Variants in GRIK2 observed in about 807,000 individuals in gnomAD.
GRIK2 encodes the protein glutamate ionotropic receptor kainate type subunit 2, also known as glutamate receptor ionotropic, kainate 2.
GRIK2 carries 32 observed loss-of-function variants against 100.3 expected under a neutral mutation model. The ratio of observed to expected loss-of-function variants is 0.32; its 90% CI spans 0.24 to 0.43. The LOEUF (loss-of-function observed/expected upper bound fraction) is 0.43, where lower values mean the gene tolerates loss of function less well. Ranked by LOEUF, GRIK2 falls within the 20% of genes least tolerant of loss-of-function variation. GRIK2 has a pLI of 1.00. For missense variants in GRIK2, 843 were observed against 1,114.9 expected (o/e 0.76, Z 3.47); for synonymous variants, 417 against 389.4 (o/e 1.07, Z -0.83).
At chr6:101,554,367 G>A (rs1178363963) in intron 2 of GRIK2, among the ~76,000 whole-genome samples, 1 of 152,024 alleles carries the variant, frequency 6.6e-6, no homozygotes, top group South Asian at 2.1e-4. Flanking sequence ...TGACTAAAGT[G>A]ACTTTTTGTT....
intron 7 of GRIK2, among the ~76,000 whole-genome samples, chr6:101,707,972 T>C (rs1427641888): frequency 6.6e-6 from 1 of 151,698 alleles, no homozygotes; most frequent in Non-Finnish European, 1.5e-5. Context: ...TGTTACCTCT[T>C]CCCTTGTTAA....
intron 7 of GRIK2, among the ~76,000 whole-genome samples, chr6:101,696,699 G>A (rs1200425033): frequency 6.6e-6 from 1 of 151,768 alleles, no homozygotes; most frequent in Non-Finnish European, 1.5e-5. Context: ...AAGACATCAT[G>A]GGGCAGTTAT....
chr6:101,935,531 G>A (rs1453014377), intron 14 of GRIK2, among the ~76,000 whole-genome samples: 1 of 151,820 alleles, frequency 6.6e-6, no homozygotes, highest in East Asian at 1.9e-4. Flanking sequence ...TGGGAGAATT[G>A]TACATGAGAC....
intron 9 of GRIK2, among the ~76,000 whole-genome samples, chr6:101,811,782 G>A (rs1255201930): frequency 6.6e-6 from 1 of 151,636 alleles, no homozygotes; most frequent in Non-Finnish European, 1.5e-5. Flanking sequence ...TGGATTTAAA[G>A]TAGTAATATG....
chr6:102,014,154 T>C (rs957429898), intron 14 of GRIK2, among the ~76,000 whole-genome samples: 1 of 152,210 alleles, frequency 6.6e-6, no homozygotes, highest in African/African-American at 2.4e-5. Context: ...CCTGGTTTAG[T>C]TTTTGGAGGT....
intron 7 of GRIK2, among the ~76,000 whole-genome samples, chr6:101,746,058 C>T (rs754846010): frequency 2.6e-5 from 4 of 152,184 alleles, no homozygotes; most frequent in African/African-American, 4.8e-5. Flanking sequence ...AGTAACTTTA[C>T]TGCTTTCTCT....
chr6:101,960,400 C>G (rs1427357281), intron 14 of GRIK2, among the ~76,000 whole-genome samples: 1 of 152,074 alleles, frequency 6.6e-6, no homozygotes. Context: ...GGTTAAAGCA[C>G]TCTGTTTTTC....
chr6:101,901,041 T>G (rs1157792626), intron 12 of GRIK2, among the ~76,000 whole-genome samples: 1 of 152,086 alleles, frequency 6.6e-6, no homozygotes, highest in African/African-American at 2.4e-5. Context: ...CTTAGCAAGT[T>G]TTTACTGCAA....
At chr6:101,747,389 ACATG>A (rs1776484476) in intron 7 of GRIK2, among the ~76,000 whole-genome samples, 1 of 152,230 alleles carries the variant, frequency 6.6e-6, no homozygotes, top group African/African-American at 2.4e-5. Flanking sequence ...TGTCCTGGAT[ACATG>A]CTGCAGAAAG....
At chr6:101,800,533 A>C (rs906112772) in intron 8 of GRIK2, among the ~76,000 whole-genome samples, 30 of 152,098 alleles carry the variant, frequency 2.0e-4, no homozygotes, top group Non-Finnish European at 3.4e-4. Flanking sequence ...TTATTACCAT[A>C]TGAAATTTTT....
intron 4 of GRIK2, among the ~76,000 whole-genome samples, chr6:101,629,751 G>A (rs1780633520): frequency 6.6e-6 from 1 of 152,034 alleles, no homozygotes; most frequent in Non-Finnish European, 1.5e-5. Flanking sequence ...GGGAGTGCAT[G>A]TGCAGGTTTG....
At chr6:101,679,060 G>A (rs906080549) in intron 5 of GRIK2, among the ~76,000 whole-genome samples, 11 of 152,212 alleles carry the variant, frequency 7.2e-5, no homozygotes, top group African/African-American at 2.6e-4. Flanking sequence ...CTAGGGCAGA[G>A]CCAAGATCCT....
chr6:101,608,142 T>C (rs1322837093), intron 2 of GRIK2, among the ~76,000 whole-genome samples: 1 of 151,920 alleles, frequency 6.6e-6, no homozygotes, highest in Non-Finnish European at 1.5e-5. Flanking sequence ...TGAAGTGATT[T>C]GCCTAAGGCC....
At chr6:101,431,370 GT>G (rs1284463790) in intron 2 of GRIK2, 2 of 152,244 alleles carry the variant, frequency 1.3e-5, no homozygotes, top group East Asian at 3.9e-4. Flanking sequence ...GCTGTCCTGT[GT>G]GCTTACTAGA....
intron 12 of GRIK2, among the ~76,000 whole-genome samples, chr6:101,901,342 T>A (rs1013654153): frequency 5.3e-5 from 8 of 152,038 alleles, no homozygotes; most frequent in African/African-American, 1.9e-4. Context: ...ATAGCCATTG[T>A]ATATTAAAAA....
At chr6:101,984,729 A>G (rs148863397) in intron 14 of GRIK2, among the ~76,000 whole-genome samples, 1 of 151,744 alleles carries the variant, frequency 6.6e-6, no homozygotes, top group Non-Finnish European at 1.5e-5. Flanking sequence ...ATCAATCTAA[A>G]GAGAGTTATG....
At chr6:101,667,433 A>C (rs1000511816) in intron 4 of GRIK2, among the ~76,000 whole-genome samples, 2 of 152,216 alleles carry the variant, frequency 1.3e-5, no homozygotes, top group African/African-American at 4.8e-5. Flanking sequence ...AAGTGTGTAC[A>C]CACATACACA....
At chr6:102,061,854 T>C (rs1771769245) in intron 16 of GRIK2, among the ~76,000 whole-genome samples, 1 of 150,352 alleles carries the variant, frequency 6.7e-6, no homozygotes, top group African/African-American at 2.4e-5. Context: ...ACATTTTAAC[T>C]GCCACACCTT....
intron 9 of GRIK2, among the ~76,000 whole-genome samples, chr6:101,817,920 T>C (rs1171139832): frequency 1.3e-5 from 2 of 152,228 alleles, no homozygotes; most frequent in Admixed American, 1.3e-4. Flanking sequence ...AATGCTTCCC[T>C]TAAGCCTACC....
Sources: gnomAD v4.1 joint callset for allele counts (sites outside exome capture counted in the v4.1 genomes callset) on GRCh38, gnomAD v4.1.1 for gene constraint, MANE v1.5 for transcripts, NCBI Gene and HGNC (gene_info 2026-07-23, HGNC 2026-07-21) for gene names.